ARHGAP29: variants seen among roughly 807,000 people sequenced by gnomAD.
ARHGAP29 encodes rho GTPase-activating protein 29.
ARHGAP29 carries 43 observed loss-of-function variants against 122.6 expected under a neutral mutation model. That is an observed-to-expected ratio of 0.35 (90% CI 0.27 to 0.45). The LOEUF (loss-of-function observed/expected upper bound fraction) is 0.45. Ranked by LOEUF, ARHGAP29 falls within the 20% of genes least tolerant of loss-of-function variation. The probability of loss-of-function intolerance (pLI) is 1.00; values close to 1 mark genes in which losing one functional copy is unlikely to be tolerated. For synonymous variants in ARHGAP29, 506 were observed against 497.1 expected, an observed-to-expected ratio of 1.02 and a Z score of -0.24; for missense variants, 1,303 against 1,477.2, an observed-to-expected ratio of 0.88 and a Z score of 1.93.
Position 94,178,084 on chromosome 1 carries a change from G to A in ARHGAP29, c.2564C>T (p.Pro855Leu), listed in dbSNP as rs749229547. The A allele has an allele frequency of 6.2e-7, 1 of 1,614,112 alleles. No individual in the cohort carries two copies. Among genetic ancestry groups the A allele is most frequent in the South Asian group, 1.1e-5 (1 of 91,072 alleles). The change falls in exon 21 of 23, where the codon CCC becomes CTC. Residue 855 changes from proline (P) to leucine (L), a missense_variant. Pro to Leu is a moderately conservative substitution (Grantham distance 98, BLOSUM62 -3). Around this residue, in one of 3 missense-constraint regions of ARHGAP29, gnomAD observed 620 missense variants for 651.2 expected, o/e 0.95. Coordinates refer to ENST00000260526, the MANE Select transcript of ARHGAP29 (RefSeq NM_004815.4). ...GGAGATGGTGATAGGAGCAGTTGTG[G>A]GCCTTGGCCTAATGAGACTTGGTCC... ...IFGPSLIRPR[P>L]TTAPITISSL...
the ARHGAP29 span, among the ~76,000 whole-genome samples, chr1:94,290,021 G>A: frequency 1.3e-5 from 2 of 152,156 alleles, no homozygotes; most frequent in African/African-American, 4.8e-5. Flanking sequence ...GAGTTAGGGA[G>A]GATTCCCTCT....
In ARHGAP29 at chr1:94,210,904, TAA is replaced by T. The variant is rs34160965; in HGVS notation, c.341-1556_341-1555del. ...ACAGAGCAAAACTCTGTTTCTTATT[TAA>T]AAAAAAAAAAAAAAGATTTCTATAC... is the stretch of plus-strand genomic sequence containing the variant. On this transcript the variant is annotated intron_variant, in intron 3 of 22. Coordinates refer to ENST00000260526, the MANE Select transcript of ARHGAP29 (RefSeq NM_004815.4). Among the ~76,000 whole-genome samples the T allele has an allele frequency of 8.7e-3, 1,212 of 139,838 alleles. 10 individuals are homozygous for T. The highest frequency in any genetic ancestry group is 0.06 in the South Asian group (263 of 4,380). The allele number at this position is 139,838 out of a possible 152,430, so 91.7% of individuals were successfully genotyped here.
At chr1:94,261,711 C>T (rs72964313) in intron 1 of ARHGAP29, among the ~76,000 whole-genome samples, 1,575 of 152,196 alleles carry the variant, frequency 0.01, 29 homozygotes, top group African/African-American at 0.036. Context: ...GGTGAAAGTT[C>T]TCTACAAGGA....
chr1:94,278,249 T>C (rs1245799011), upstream of ARHGAP29, among the ~76,000 whole-genome samples: 1 of 152,152 alleles, frequency 6.6e-6, no homozygotes, highest in Non-Finnish European at 1.5e-5. Flanking sequence ...AGCCCATGAG[T>C]TGGAGTTTAT....
intron 2 of ARHGAP29, 67 bp from the exon 3 acceptor site, chr1:94,220,459 C>T (rs1045040567): frequency 7.3e-7 from 1 of 1,364,992 alleles, no homozygotes; most frequent in East Asian, 2.5e-5. Flanking sequence ...TACAAAACGT[C>T]ATCTGAAGCA....
chr1:94,280,761 T>C, the ARHGAP29 span, among the ~76,000 whole-genome samples: 1 of 152,344 alleles, frequency 6.6e-6, no homozygotes, highest in East Asian at 1.9e-4. Context: ...AATAGCTGGC[T>C]GTGGTCAGGA....
At chr1:94,308,082 A>G in the ARHGAP29 span, among the ~76,000 whole-genome samples, 2,173 of 152,242 alleles carry the variant, frequency 0.014, 43 homozygotes, top group Admixed American at 0.038. Flanking sequence ...TATGTGCTCT[A>G]GGCTTATTGA....
At chr1:94,223,817 T>C (rs1359138913) in intron 2 of ARHGAP29, among the ~76,000 whole-genome samples, 1 of 152,010 alleles carries the variant, frequency 6.6e-6, no homozygotes, top group Non-Finnish European at 1.5e-5. Context: ...CCTTTTTTTT[T>C]TTCTTTTTGA....
At chr1:94,214,970 C>T (rs1651866632) in intron 3 of ARHGAP29, among the ~76,000 whole-genome samples, 1 of 151,978 alleles carries the variant, frequency 6.6e-6, no homozygotes, top group Non-Finnish European at 1.5e-5. Flanking sequence ...AGTGTTGCTT[C>T]TGATTTTTCT....
chr1:94,257,710 A>C (rs750148946), intron 1 of ARHGAP29, among the ~76,000 whole-genome samples: 20 of 152,224 alleles, frequency 1.3e-4, no homozygotes, highest in Non-Finnish European at 2.2e-4. Context: ...TCCTGTCTCA[A>C]GAAGAAGAAG....
At chr1:94,276,740 C>T (rs1354159543), upstream of ARHGAP29, among the ~76,000 whole-genome samples, 1 of 138,878 alleles carries the variant, frequency 7.2e-6, no homozygotes, top group Non-Finnish European at 1.5e-5. Context: ...ATGATTGTGC[C>T]ACTGCACTCC....
rs1298078998 is a variant in ARHGAP29 at position 94,179,757 on chromosome 1, G to A, written c.2448C>T (p.Asn816=). The A allele has an allele frequency of 6.2e-7, 1 of 1,613,016 alleles. No individual in the cohort carries two copies. Among genetic ancestry groups the A allele is most frequent in the Admixed American group, 1.7e-5 (1 of 59,988 alleles). ...GATGTACTATAAGGAAATGAAGACTGTTAAAATTTGATGCTGGCAATTGTC... is the reference window on the plus strand; with the variant it reads ...GATGTACTATAAGGAAATGAAGACTATTAAAATTTGATGCTGGCAATTGTC... The part of the protein sequence containing the change: ...LLRQLPASNF[N]SLHFLIVHLK... Residue 816 remains asparagine, a synonymous_variant, in exon 20 of 23, where the codon AAC becomes AAT. Transcript: ENST00000260526.
chr1:94,273,504 A>G (rs1158990445), intron 1 of ARHGAP29, among the ~76,000 whole-genome samples: 3 of 152,204 alleles, frequency 2.0e-5, no homozygotes, highest in African/African-American at 7.2e-5. Flanking sequence ...TTCCTCCCAC[A>G]CTACTCCACC....
intron 7 of ARHGAP29, 42 bp downstream of exon 7, chr1:94,205,019 A>T (rs1316967545): frequency 2.0e-6 from 3 of 1,483,046 alleles, no homozygotes; most frequent in East Asian, 2.5e-5. Context: ...GAAACAACTT[A>T]ATTATTATAC....
chr1:94,183,493 GA>G (rs997742570), intron 19 of ARHGAP29, among the ~76,000 whole-genome samples: 93 of 147,400 alleles, frequency 6.3e-4, no homozygotes, highest in Admixed American at 1.5e-3. Context: ...TTAACAGTGA[GA>G]AAAAAAAAAG....
At chr1:94,267,464 T>C (rs1654815919) in intron 1 of ARHGAP29, among the ~76,000 whole-genome samples, 2 of 152,226 alleles carry the variant, frequency 1.3e-5, no homozygotes, top group South Asian at 4.1e-4. Context: ...TTCTCATTCA[T>C]AAAATGAGTA....
At chr1:94,312,169 C>A in the ARHGAP29 span, among the ~76,000 whole-genome samples, 177 of 152,208 alleles carry the variant, frequency 1.2e-3, 2 homozygotes, top group East Asian at 0.028. Context: ...CCTTCATTTT[C>A]TCTTGACTAT....
chr1:94,209,229 C>T (rs751345732), intron 4 of ARHGAP29, 25 bp downstream of exon 4: 1 of 1,527,854 alleles, frequency 6.5e-7, no homozygotes, highest in Non-Finnish European at 9.0e-7. Context: ...GGACTAGTTG[C>T]TTTAAATGAC....
At chr1:94,313,076 A>C in the ARHGAP29 span, among the ~76,000 whole-genome samples, 12 of 152,308 alleles carry the variant, frequency 7.9e-5, no homozygotes, top group Admixed American at 7.2e-4. Flanking sequence ...CCATGTGTCA[A>C]AACTTGAACT....
Sources: allele counts gnomAD v4.1 joint callset (sites outside exome capture counted in the v4.1 genomes callset), GRCh38; gene constraint gnomAD v4.1.1; regional missense constraint gnomAD v4.1.1; transcripts MANE v1.5; gene names NCBI Gene and HGNC (gene_info 2026-07-23, HGNC 2026-07-21).